Variants in DCBLD2 observed in about 807,000 individuals in gnomAD.
The protein encoded by DCBLD2 is discoidin, CUB and LCCL domain containing 2.
In DCBLD2, 54 loss-of-function variants were observed where a neutral mutation model predicts 86.8. The ratio of observed to expected loss-of-function variants is 0.62; its 90% confidence interval spans 0.50 to 0.78. The LOEUF is 0.78. DCBLD2 is among the 30% of genes least tolerant of loss of function. DCBLD2 has a pLI of 0.00. For missense variants in DCBLD2, 908 were observed against 954.2 expected (o/e 0.95, Z 0.64); for synonymous variants, 354 against 341.3 (o/e 1.04, Z -0.41).
At chr3:98,818,897 T>G (rs1942068308) in intron 8 of DCBLD2, among the ~76,000 whole-genome samples, 1 of 152,162 alleles carries the variant, frequency 6.6e-6, no homozygotes, top group South Asian at 2.1e-4. Flanking sequence ...AGCTTGCAGA[T>G]GGCCTACTGT....
chr3:98,826,224 G>C (rs1248917816), intron 3 of DCBLD2, among the ~76,000 whole-genome samples: 1 of 152,122 alleles, frequency 6.6e-6, no homozygotes, highest in East Asian at 1.9e-4. Flanking sequence ...CTTCTCTTAG[G>C]TTAGACAGCA....
At chr3:98,822,814 A>C in intron 4 of DCBLD2, 73 bp from the exon 5 acceptor site, 1 of 1,294,502 alleles carries the variant, frequency 7.7e-7, no homozygotes, top group Non-Finnish European at 1.1e-6. Context: ...CCCCAAAAAT[A>C]TCACAGACAC....
chr3:98,861,268 T>C (rs984637549), intron 2 of DCBLD2, among the ~76,000 whole-genome samples: 5 of 151,568 alleles, frequency 3.3e-5, no homozygotes, highest in Non-Finnish European at 7.4e-5. Context: ...TCCCACACAA[T>C]AATAATGGGA....
At chr3:98,814,067 C>T (rs1362635740) in intron 9 of DCBLD2, 2 of 152,114 alleles carry the variant, frequency 1.3e-5, no homozygotes, top group Admixed American at 6.5e-5. Flanking sequence ...TTCTAATCAG[C>T]TAAGATGAGA....
chr3:98,836,946 C>T (rs867138263), intron 3 of DCBLD2, among the ~76,000 whole-genome samples: 12 of 80,110 alleles, frequency 1.5e-4, no homozygotes, highest in Admixed American at 2.2e-4. Context: ...CCCTCCCGGA[C>T]GGGGCGGCTG....
At chr3:98,805,606 A>T (rs1008503749) in intron 13 of DCBLD2, among the ~76,000 whole-genome samples, 4 of 152,170 alleles carry the variant, frequency 2.6e-5, no homozygotes, top group Non-Finnish European at 5.9e-5. Context: ...ACAGCATATT[A>T]ATGGTATCTG....
Position 98,796,144 on chromosome 3 carries a change from T to TG in DCBLD2, c.*3227_*3228insC, listed in dbSNP as rs1941585094. ...GACTACAGTACATGCCGAGGTAAGA[T>TG]AAGTACATTCTGGGAGAATATCACT... On this transcript the variant is annotated 3_prime_UTR_variant, in exon 16 of 16. Transcript: ENST00000326840. The TG allele has an allele frequency of 6.6e-6, 1 of 152,596 alleles. No homozygotes were observed. Among genetic ancestry groups the TG allele is most frequent in the Admixed American group, 6.5e-5 (1 of 15,276 alleles). The allele number at this position is 152,596 out of a possible 1,614,324, so 9.5% of individuals were successfully genotyped here.
At chr3:98,865,572 G>T (rs1943127807) in intron 2 of DCBLD2, among the ~76,000 whole-genome samples, 1 of 152,114 alleles carries the variant, frequency 6.6e-6, no homozygotes, top group Non-Finnish European at 1.5e-5. Context: ...GTTAAAAATT[G>T]CTAAGAGATT....
At chr3:98,862,623 T>C (rs950220791) in intron 2 of DCBLD2, among the ~76,000 whole-genome samples, 27 of 152,180 alleles carry the variant, frequency 1.8e-4, no homozygotes, top group Non-Finnish European at 2.9e-4. Context: ...AAAAACCACA[T>C]TGATTATCTC....
intron 13 of DCBLD2, among the ~76,000 whole-genome samples, chr3:98,804,489 A>T (rs180970844): frequency 6.6e-6 from 1 of 152,104 alleles, no homozygotes; most frequent in Admixed American, 6.5e-5. Flanking sequence ...GATCTTTTCA[A>T]AAAACCAGCT....
intron 7 of DCBLD2, 78 bp downstream of exon 7, chr3:98,820,170 C>G (rs1942093226): frequency 1.1e-6 from 1 of 893,898 alleles, no homozygotes; most frequent in Non-Finnish European, 1.5e-6. Context: ...TACAATAAAT[C>G]AGCAACTGAC....
intron 2 of DCBLD2, among the ~76,000 whole-genome samples, chr3:98,871,124 T>G (rs142030458): frequency 1.6e-3 from 247 of 152,254 alleles, no homozygotes; most frequent in Admixed American, 6.3e-3. Context: ...TACTGATGTG[T>G]GTATGGTGAT....
chr3:98,875,702 G>A (rs1054225693), intron 2 of DCBLD2, among the ~76,000 whole-genome samples: 1 of 152,148 alleles, frequency 6.6e-6, no homozygotes, highest in Non-Finnish European at 1.5e-5. Context: ...CTGGTATGTG[G>A]ATAGATACAT....
chr3:98,832,476 T>A (rs1411517263), intron 3 of DCBLD2, among the ~76,000 whole-genome samples: 2 of 152,200 alleles, frequency 1.3e-5, no homozygotes, highest in Non-Finnish European at 2.9e-5. Context: ...GATCCTGTCA[T>A]TGTGTTGTTA....
At chr3:98,861,405 C>A (rs1338578400) in intron 2 of DCBLD2, among the ~76,000 whole-genome samples, 1 of 152,188 alleles carries the variant, frequency 6.6e-6, no homozygotes, top group Non-Finnish European at 1.5e-5. Flanking sequence ...CTCTCCACCC[C>A]AAATCAACAC....
chr3:98,862,648 A>G (rs1166238854), intron 2 of DCBLD2, among the ~76,000 whole-genome samples: 2 of 152,340 alleles, frequency 1.3e-5, no homozygotes, highest in South Asian at 2.1e-4. Flanking sequence ...GATGCAGAAA[A>G]GGGGTTTGAC....
At chr3:98,856,385 G>A (rs1045333159) in intron 2 of DCBLD2, among the ~76,000 whole-genome samples, 2 of 151,894 alleles carry the variant, frequency 1.3e-5, no homozygotes, top group South Asian at 4.1e-4. Context: ...AGAAAAAAAA[G>A]AAAAAACTAT....
At chr3:98,826,369 T>G (rs1054179906) in intron 3 of DCBLD2, among the ~76,000 whole-genome samples, 3 of 152,218 alleles carry the variant, frequency 2.0e-5, no homozygotes, top group Non-Finnish European at 2.9e-5. Flanking sequence ...TCTCGACTTG[T>G]AAGGCTTTCC....
chr3:98,868,092 C>A (rs370703467), intron 2 of DCBLD2, among the ~76,000 whole-genome samples: 1 of 152,266 alleles, frequency 6.6e-6, no homozygotes, highest in Middle Eastern at 3.4e-3. Flanking sequence ...CGTGAGCCAC[C>A]GTGCCCGACC....
Sources: allele counts gnomAD v4.1 joint callset (sites outside exome capture counted in the v4.1 genomes callset), GRCh38; gene constraint gnomAD v4.1.1; transcripts MANE v1.5; gene names NCBI Gene and HGNC (gene_info 2026-07-23, HGNC 2026-07-21).